The following ANKRD36 variants were observed in gnomAD, a reference collection of about 807,000 sequenced individuals.
ANKRD36 encodes ankyrin repeat domain 36, also known as ankyrin repeat domain-containing protein 36A.
In ANKRD36, 179 loss-of-function variants were observed where a neutral mutation model predicts 278.1. The observed-to-expected ratio is 0.64, with a 90% CI of 0.57 to 0.73. The LOEUF is 0.73. Among genes scored for constraint, ANKRD36 ranks in the 30% least tolerant of loss-of-function variants. The probability of loss-of-function intolerance (pLI) is 0.00; values close to 1 mark genes in which losing one functional copy is unlikely to be tolerated. For synonymous variants in ANKRD36, 320 were observed against 641.1 expected, an observed-to-expected ratio of 0.50 and a Z score of 7.57; for missense variants, 1,159 against 1,956.7, an observed-to-expected ratio of 0.59 and a Z score of 7.69.
intron 46 of ANKRD36, 67 bp from the exon 47 acceptor site, chr2:97,202,135 G>A: frequency 6.3e-7 from 1 of 1,598,988 alleles, no homozygotes; most frequent in Non-Finnish European, 8.5e-7. Context: ...TTCTAACAGT[G>A]CTCGAATGTA....
chr2:97,199,775 G>A (rs1424403816), intron 44 of ANKRD36, among the ~76,000 whole-genome samples: 3 of 151,894 alleles, frequency 2.0e-5, no homozygotes, highest in Non-Finnish European at 4.4e-5. Flanking sequence ...TGAATATTAT[G>A]TACTAGGTAT....
chr2:97,146,245 G>T (rs1480792813), intron 10 of ANKRD36, among the ~76,000 whole-genome samples: 1 of 150,150 alleles, frequency 6.7e-6, no homozygotes, highest in African/African-American at 2.4e-5. Flanking sequence ...GGGATTACAG[G>T]TGTGACCCAC....
chr2:97,230,180 G>T (rs1283043355), intron 67 of ANKRD36, among the ~76,000 whole-genome samples: 1 of 152,064 alleles, frequency 6.6e-6, no homozygotes, highest in Non-Finnish European at 1.5e-5. Context: ...TCTGAATGTT[G>T]GCCTGCCTTG....
At chr2:97,171,664 C>A in intron 22 of ANKRD36, among the ~76,000 whole-genome samples, 1 of 137,648 alleles carries the variant, frequency 7.3e-6, no homozygotes, top group South Asian at 2.4e-4. Context: ...AACTAACCTG[C>A]ACAATGTGCA....
rs1901501 is a variant in ANKRD36, at chr2:97,196,523, T to C, written c.2552-70T>C. The C allele has an allele frequency of 6.9e-6, 11 of 1,592,474 alleles. No homozygotes were observed. The Admixed American group carries it at 1.0e-4, about 15-fold the overall frequency. The stretch of plus-strand genomic sequence containing the variant: ...CAGGAGGACAGAGGTTGATGCTAAC[T>C]CTGCTTGAATGTATGGATATCTTTG... On this transcript the variant is annotated intron_variant, in intron 40 of 75. Coordinates refer to ENST00000420699, the MANE Select transcript of ANKRD36 (RefSeq NM_001354587.1).
intron 67 of ANKRD36, among the ~76,000 whole-genome samples, chr2:97,225,700 G>A (rs1329928249): frequency 2.6e-5 from 4 of 151,846 alleles, no homozygotes; most frequent in Admixed American, 6.6e-5. Flanking sequence ...ATGTATACAC[G>A]TGCCATGCTG....
chr2:97,230,122 T>C (rs930974539), intron 67 of ANKRD36, among the ~76,000 whole-genome samples: 94 of 152,200 alleles, frequency 6.2e-4, no homozygotes, highest in African/African-American at 2.2e-3. Context: ...TGTCTTGGAG[T>C]TGCTCTTCTC....
chr2:97,230,677 G>A (rs1404191048), intron 67 of ANKRD36, among the ~76,000 whole-genome samples: 1 of 152,078 alleles, frequency 6.6e-6, no homozygotes, highest in Non-Finnish European at 1.5e-5. Context: ...TTCTGTTGCT[G>A]GTGAGGAACT....
rs1180332045 is a variant in ANKRD36 at position 97,220,001 on chromosome 2, A to G, written c.3877+755A>G. Among the ~76,000 whole-genome samples, 7 of 141,344 alleles carry G rather than the reference A, an allele frequency of 5.0e-5. No homozygotes were observed. The East Asian group carries it at 1.3e-3, about 26-fold the overall frequency. The allele number at this position is 141,344 out of a possible 152,430, so 92.7% of individuals were successfully genotyped here. ...TTTTAACTTTTATTGGTTCTGGTCA[A>G]TTTTGTTACACTTATTATATTAAGC... On this transcript the variant is annotated intron_variant, in intron 66 of 75. Coordinates refer to ENST00000420699, the MANE Select transcript of ANKRD36 (RefSeq NM_001354587.1).
rs557157820 is a variant in ANKRD36, at chr2:97,193,144, C to A, written c.2449+91C>A. On this transcript the variant is annotated intron_variant, in intron 38 of 75. Coordinates refer to ENST00000420699, the MANE Select transcript of ANKRD36 (RefSeq NM_001354587.1). The stretch of plus-strand genomic sequence containing the variant: ...TAAATCAGCGGGGGGCTCGTTGAAG[C>A]TGCACATTCTGATTCAGCAGTCCTG... 7.3e-6 allele frequency: 9 copies of A among 1,228,842 alleles called. No individual in the cohort carries two copies. The East Asian group carries it at 2.3e-4, about 32-fold the overall frequency. 76.1% of individuals were successfully genotyped at this position (1,228,842 alleles called of 1,614,324 possible). A position where few individuals can be genotyped will look rare whatever the true frequency, so the allele number is the denominator to read the frequency against.
At chr2:97,131,816 T>C (rs1402978043) in intron 6 of ANKRD36, among the ~76,000 whole-genome samples, 2 of 152,052 alleles carry the variant, frequency 1.3e-5, no homozygotes, top group Admixed American at 1.3e-4. Flanking sequence ...AATTATTTTA[T>C]GTATGTTTTT....
chr2:97,135,976 C>T (rs1309952881), intron 6 of ANKRD36, among the ~76,000 whole-genome samples: 1 of 151,826 alleles, frequency 6.6e-6, no homozygotes, highest in Admixed American at 6.6e-5. Flanking sequence ...TCAGAATTTC[C>T]AAGATGATAT....
At chr2:97,185,774 G>A (rs939988016) in intron 30 of ANKRD36, among the ~76,000 whole-genome samples, 11 of 151,756 alleles carry the variant, frequency 7.2e-5, no homozygotes, top group African/African-American at 2.7e-4. Context: ...GGGTTCAGGG[G>A]ACAGCATAAT....
At chr2:97,139,149 C>T (rs1232170742) in intron 6 of ANKRD36, among the ~76,000 whole-genome samples, 2 of 151,876 alleles carry the variant, frequency 1.3e-5, no homozygotes, top group East Asian at 3.8e-4. Context: ...CTCTGAGTTT[C>T]AAAAATGAAG....
In ANKRD36 at chr2:97,137,215, T is replaced by C. The variant is rs1257163548; in HGVS notation, c.800-5425T>C. On this transcript the variant is annotated intron_variant, in intron 6 of 75. Transcript: ENST00000420699. ...AGGCTGGAGTGGAATGGCACAATCT[T>C]GGCTCACTGCAACCTCTGCCTCCTG... Among the ~76,000 whole-genome samples, 2 of 151,954 alleles carry C rather than the reference T, an allele frequency of 1.3e-5. 1 individual carries two copies. Among genetic ancestry groups the C allele is most frequent in the East Asian group, 3.9e-4 (2 of 5,180 alleles).
chr2:97,194,992 G>A (rs1254341776), intron 40 of ANKRD36, 75 bp downstream of exon 40: 18 of 1,520,214 alleles, frequency 1.2e-5, no homozygotes, highest in Non-Finnish European at 1.5e-5. Flanking sequence ...AATCAGTGGG[G>A]GGCTGGTCAA....
At chr2:97,186,158 T>A (rs1297060826) in intron 30 of ANKRD36, among the ~76,000 whole-genome samples, 1 of 151,818 alleles carries the variant, frequency 6.6e-6, no homozygotes, top group Non-Finnish European at 1.5e-5. Flanking sequence ...CCACATTGAC[T>A]AATTACTTCT....
Position 97,142,670 on chromosome 2 carries a change from T to C in ANKRD36, c.828+2T>C, listed in dbSNP as rs755250109. On this transcript the variant is annotated splice_donor_variant, in intron 7 of 75. Transcript: ENST00000420699. LOFTEE classifies it high-confidence loss of function. ...TCTCAGAAACAACCAGCCTTGAAGG[T>C]AATTACACATTCATTTCTGTTTTGA... 1.2e-6 allele frequency: 2 copies of C among 1,609,748 alleles called. No individual in the cohort carries two copies. The highest frequency in any genetic ancestry group is 8.5e-7 in the Non-Finnish European group (1 of 1,179,174).
chr2:97,219,390 A>G lies in ANKRD36; in HGVS notation c.3877+144A>G, dbSNP rs1576231427. ...AAATAATGCAGCTGTTATCATTTTT[A>G]TTTATATTTTCAAAAATGAGATTTA... On this transcript the variant is annotated intron_variant, in intron 66 of 75. Transcript: ENST00000420699. The G allele has an allele frequency of 3.9e-6, 5 of 1,275,314 alleles. No homozygotes were observed. In the East Asian group the frequency reaches 1.1e-4, roughly 28 times the overall value. 79.0% of individuals were successfully genotyped at this position (1,275,314 alleles called of 1,614,324 possible). A position where few individuals can be genotyped will look rare whatever the true frequency, so the allele number is the denominator to read the frequency against.
Sources: allele counts gnomAD v4.1 joint callset (sites outside exome capture counted in the v4.1 genomes callset), GRCh38; gene constraint gnomAD v4.1.1; transcripts MANE v1.5; gene names NCBI Gene and HGNC (gene_info 2026-07-23, HGNC 2026-07-21).